Variants in ZFAT observed in about 807,000 individuals in gnomAD.
ZFAT encodes the protein zinc finger protein ZFAT.
ZFAT carries 64 observed loss-of-function variants against 117.7 expected under a neutral mutation model. That is an observed-to-expected ratio of 0.54 (90% confidence interval 0.44 to 0.67). The LOEUF (loss-of-function observed/expected upper bound fraction) is 0.67, where lower values mean the gene tolerates loss of function less well. ZFAT is among the 30% of genes least tolerant of loss of function. The pLI, the probability that ZFAT is intolerant of heterozygous loss-of-function variation, is 0.00. For missense variants in ZFAT, 1,433 were observed against 1,584.5 expected (o/e 0.90, Z 1.62); for synonymous variants, 679 against 615.0 (o/e 1.10, Z -1.54).
chr8:134,544,176 G>A (rs896998840), intron 11 of ZFAT, among the ~76,000 whole-genome samples: 4 of 152,038 alleles, frequency 2.6e-5, no homozygotes, highest in Non-Finnish European at 4.4e-5. Flanking sequence ...CATTAACCCC[G>A]CTATGGTGTA....
intron 7 of ZFAT, among the ~76,000 whole-genome samples, chr8:134,590,635 AAT>A (rs369902598): frequency 2.1e-5 from 3 of 146,046 alleles, no homozygotes; most frequent in South Asian, 2.4e-4. Context: ...CAGCACTATC[AAT>A]AGTCATCACC....
In ZFAT at chr8:134,705,380, T is replaced by G. The variant is rs571689136; in HGVS notation, c.19+7465A>C. Among the ~76,000 whole-genome samples, 7 of 149,448 alleles carry G rather than the reference T, an allele frequency of 4.7e-5. No homozygotes were observed. In the East Asian group the frequency reaches 9.7e-4, roughly 21 times the overall value. On this transcript the variant is annotated intron_variant, in intron 1 of 15. Transcript: ENST00000377838. ...CATGCCCAGCTGGTTTTTTTTTGTT[T>G]TTTTTTTTTTGTAGAGCTGGGATCT...
chr8:134,761,728 A>G, the ZFAT span, among the ~76,000 whole-genome samples: 1 of 152,164 alleles, frequency 6.6e-6, no homozygotes, highest in Non-Finnish European at 1.5e-5. Flanking sequence ...AAATAAATTA[A>G]TTAATCACAA....
the ZFAT span, among the ~76,000 whole-genome samples, chr8:134,801,514 A>G: frequency 6.6e-6 from 1 of 152,140 alleles, no homozygotes; most frequent in East Asian, 1.9e-4. Context: ...GCCAGTCTCT[A>G]CCTAGTCTCT....
chr8:134,625,497 G>A (rs1029109253), intron 3 of ZFAT, among the ~76,000 whole-genome samples: 8 of 152,198 alleles, frequency 5.3e-5, no homozygotes, highest in Non-Finnish European at 1.2e-4. Flanking sequence ...TCCAGCAAGT[G>A]GTCCTGCCCT....
chr8:134,503,628 G>A (rs1368467102), intron 15 of ZFAT, among the ~76,000 whole-genome samples: 1 of 152,164 alleles, frequency 6.6e-6, no homozygotes, highest in Non-Finnish European at 1.5e-5. Flanking sequence ...TCCCTAGTGT[G>A]GGTGGGGCCC....
At chr8:134,735,568 G>A in the ZFAT span, among the ~76,000 whole-genome samples, 5 of 152,206 alleles carry the variant, frequency 3.3e-5, no homozygotes, top group Non-Finnish European at 7.3e-5. Context: ...TTAAGTAGGT[G>A]TGTGTGTTTT....
chr8:134,668,498 G>A (rs991176907), intron 1 of ZFAT, among the ~76,000 whole-genome samples: 2 of 152,246 alleles, frequency 1.3e-5, no homozygotes, highest in Non-Finnish European at 2.9e-5. Context: ...AACAGGGTCT[G>A]GAGTGGACCT....
chr8:134,519,608 T>C (rs1820501227), intron 13 of ZFAT, among the ~76,000 whole-genome samples: 1 of 152,240 alleles, frequency 6.6e-6, no homozygotes, highest in East Asian at 1.9e-4. Flanking sequence ...TTTCTGAAAA[T>C]ATCATCCTAT....
chr8:134,803,848 C>A, the ZFAT span, among the ~76,000 whole-genome samples: 1 of 152,056 alleles, frequency 6.6e-6, no homozygotes, highest in African/African-American at 2.4e-5. Flanking sequence ...ATAATCTAAT[C>A]AAAGAAAATA....
intron 12 of ZFAT, among the ~76,000 whole-genome samples, chr8:134,521,631 TA>T (rs1289158174): frequency 2.6e-4 from 38 of 146,112 alleles, no homozygotes; most frequent in South Asian, 4.4e-4. Context: ...ACTCTAGGTT[TA>T]AAAAAAAAAA....
At chr8:134,532,009 A>G (rs1821456046) in intron 12 of ZFAT, among the ~76,000 whole-genome samples, 2 of 152,254 alleles carry the variant, frequency 1.3e-5, no homozygotes, top group African/African-American at 4.8e-5. Context: ...AAGAGCAGCT[A>G]ACTGTGTGCT....
chr8:134,654,141 A>G (rs1177496322), intron 2 of ZFAT, among the ~76,000 whole-genome samples: 4 of 152,128 alleles, frequency 2.6e-5, no homozygotes, highest in African/African-American at 9.7e-5. Flanking sequence ...CTAAAAATAC[A>G]AAAATTAGCT....
intron 15 of ZFAT, among the ~76,000 whole-genome samples, chr8:134,480,982 T>C (rs1817264883): frequency 6.6e-6 from 1 of 152,160 alleles, no homozygotes; most frequent in Admixed American, 6.5e-5. Flanking sequence ...AATTATGGAT[T>C]GGAAGGAACT....
rs1473821390 is a variant in ZFAT at position 134,605,532 on chromosome 8, C to A, written c.786-2599G>T. On this transcript the variant is annotated intron_variant, in intron 5 of 15. Coordinates refer to ENST00000377838, the MANE Select transcript of ZFAT (RefSeq NM_020863.4). The stretch of plus-strand genomic sequence containing the variant: ...CTGCACTCCAGCCCGGGAGACAGAG[C>A]CACAGAGCCAGACCCCATCTCAAAA... 4.0e-5 allele frequency among the ~76,000 whole-genome samples: 6 copies of A among 149,856 alleles called. No homozygotes were observed. In the East Asian group the frequency reaches 1.2e-3, roughly 29 times the overall value.
At chr8:134,682,805 T>C (rs958266140) in intron 1 of ZFAT, among the ~76,000 whole-genome samples, 1 of 152,160 alleles carries the variant, frequency 6.6e-6, no homozygotes, top group African/African-American at 2.4e-5. Context: ...AGGCCCTTTT[T>C]CCCCACTCTG....
chr8:134,702,762 T>C (rs6577742), intron 1 of ZFAT, among the ~76,000 whole-genome samples: 137,480 of 151,684 alleles, frequency 0.91, 62,582 homozygotes, highest in African/African-American at 0.97. Context: ...AGCTCCGCCT[T>C]CCGGGTTCAC....
In ZFAT at chr8:134,647,401, C is replaced by A. The variant is rs139688171; in HGVS notation, c.197-9689G>T. 1.2e-3 allele frequency among the ~76,000 whole-genome samples: 181 copies of A among 152,250 alleles called. 4 individuals are homozygous for A. The East Asian group carries it at 0.031, about 26-fold the overall frequency. On this transcript the variant is annotated intron_variant, in intron 2 of 15. Transcript: ENST00000377838. ...TAATAAAGGAATGTGCTTCAACAAACGACAGACCCAGAGCTAACATAATAA... is the reference window on the plus strand; with the variant it reads ...TAATAAAGGAATGTGCTTCAACAAAAGACAGACCCAGAGCTAACATAATAA...
the ZFAT span, among the ~76,000 whole-genome samples, chr8:134,775,145 C>A: frequency 0.33 from 49,661 of 151,834 alleles, 8,362 homozygotes; most frequent in Admixed American, 0.42. Flanking sequence ...ACAAAAACAA[C>A]AGAAAAACAA....
Sources: gnomAD v4.1 joint callset for allele counts (sites outside exome capture counted in the v4.1 genomes callset) on GRCh38, gnomAD v4.1.1 for gene constraint, MANE v1.5 for transcripts, NCBI Gene and HGNC (gene_info 2026-07-23, HGNC 2026-07-21) for gene names.